CD93: variants seen among roughly 807,000 people sequenced by gnomAD.
CD93 encodes the protein complement component C1q receptor.
CD93 carries 44 observed loss-of-function variants against 45.5 expected under a neutral mutation model. That is an observed-to-expected ratio of 0.97 (90% CI 0.76 to 1.24). The LOEUF (loss-of-function observed/expected upper bound fraction) is 1.24, where lower values mean the gene tolerates loss of function less well. CD93 is among the 50% of genes most tolerant of loss of function. The pLI is 0.00. For missense variants in CD93, 918 were observed against 844.5 expected, an observed-to-expected ratio of 1.09 and a Z score of -1.08; for synonymous variants, 431 against 370.8, an observed-to-expected ratio of 1.16 and a Z score of -1.87.
Position 23,082,493 on chromosome 20 carries a change from A to T in CD93, c.*1457T>A, listed in dbSNP as rs1278495350. On this transcript the variant is annotated 3_prime_UTR_variant, in exon 2 of 2. Transcript: ENST00000246006. ...GTGACTCTGACCATCGGTGACCCCC[A>T]GGAATGTGTTCCAGTGCCCCAGGCA... 6.6e-6 allele frequency: 1 copy of T among 151,840 alleles called. No individual in the cohort carries two copies. Among genetic ancestry groups the T allele is most frequent in the Non-Finnish European group, 1.5e-5 (1 of 68,172 alleles). The allele number at this position is 151,840 out of a possible 1,614,324, so 9.4% of individuals were successfully genotyped here.
rs1381174281 is a variant in CD93, at chr20:23,084,851, C to T, written c.1342G>A (p.Gly448Arg). The T allele has an allele frequency of 1.2e-6, 2 of 1,613,212 alleles. No homozygotes were observed. The highest frequency in any genetic ancestry group is 2.2e-5 in the East Asian group (1 of 44,888). ...LCDSLCFNTQ[G>R]SFHCGCLPGW... Reference sequence around the variant, plus strand: ...GGCAGGCAGCCACAGTGGAAGGACCCTTGTGTGTTGAAGCACAAGCTGTCG... The same window carrying T: ...GGCAGGCAGCCACAGTGGAAGGACCTTTGTGTGTTGAAGCACAAGCTGTCG... Residue 448 changes from glycine (G) to arginine (R), a missense_variant, in exon 1 of 2, where the codon GGG becomes AGG. Transcript: ENST00000246006.
Position 23,083,792 on chromosome 20 carries a change from T to C in CD93, c.*158A>G, listed in dbSNP as rs1184544638. Reference sequence around the variant, plus strand: ...ACATCAAACACCCGTAGAAAATACCTGCATGTTCCAAGGGGCCTTTAAGGA... The same window carrying C: ...ACATCAAACACCCGTAGAAAATACCCGCATGTTCCAAGGGGCCTTTAAGGA... On this transcript the variant is annotated 3_prime_UTR_variant, in exon 2 of 2. Transcript: ENST00000246006. The C allele has an allele frequency of 2.8e-6, 2 of 710,342 alleles. No individual in the cohort carries two copies. The highest frequency in any genetic ancestry group is 2.6e-5 in the East Asian group (1 of 38,070). 44.0% of individuals were successfully genotyped at this position (710,342 alleles called of 1,614,324 possible).
At chr20:23,084,169 G>T in intron 1 of CD93, 90 bp downstream of exon 1, 1 of 1,514,338 alleles carries the variant, frequency 6.6e-7, no homozygotes, top group Non-Finnish European at 9.1e-7. Context: ...CAGGAAACCT[G>T]GGCCTGCTCT....
rs1219954657 is a variant in CD93 at position 23,081,478 on chromosome 20, G to A, written c.*2472C>T. On this transcript the variant is annotated 3_prime_UTR_variant, in exon 2 of 2. Transcript: ENST00000246006. ...AAAAATAAACAGGAGAATAAAGCAC[G>A]TGTTTGAGCCCAGTGGTTTCCATCA... The A allele has an allele frequency of 1.3e-5, 2 of 152,296 alleles. No individual in the cohort carries two copies. The highest frequency in any genetic ancestry group is 2.9e-5 in the Non-Finnish European group (2 of 68,094). 9.4% of individuals were successfully genotyped at this position (152,296 alleles called of 1,614,324 possible). A position where few individuals can be genotyped will look rare whatever the true frequency, so the allele number is the denominator to read the frequency against.
chr20:23,085,699 C>G lies in CD93; in HGVS notation c.494G>C (p.Cys165Ser). ...ACTTCCGGGGGAGCCTGGGCTCCCA[C>G]AGGGGCCCTCAGACCACTTGGGGAG... The part of the protein sequence containing the change: ...SRLPKWSEGP[C>S]GSPGSPGSNI... Residue 165 changes from cysteine to serine, a missense_variant, in exon 1 of 2, where the codon TGT becomes TCT. Cys to Ser is a moderately radical substitution (Grantham distance 112). Transcript: ENST00000246006. 6.2e-7 allele frequency: 1 copy of G among 1,611,080 alleles called. No homozygotes were observed. The highest frequency in any genetic ancestry group is 8.5e-7 in the Non-Finnish European group (1 of 1,179,584).
rs1211388908 is a variant in CD93 at position 23,083,508 on chromosome 20, T to A, written c.*442A>T. On this transcript the variant is annotated 3_prime_UTR_variant, in exon 2 of 2. Coordinates refer to ENST00000246006, the MANE Select transcript of CD93 (RefSeq NM_012072.4). ...AACCAGATCTTCTTACCTAATTGAA[T>A]AATTAATTGATTTAGTTTTCATCCT... The A allele has an allele frequency of 1.2e-5, 2 of 167,476 alleles. No individual in the cohort carries two copies. The highest frequency in any genetic ancestry group is 1.3e-5 in the Non-Finnish European group (1 of 77,502). The allele number at this position is 167,476 out of a possible 1,614,324, so 10.4% of individuals were successfully genotyped here.
chr20:23,086,164 A>C lies in CD93; in HGVS notation c.29T>G (p.Leu10Arg). MATSMGLLL[L>R]LLLLLTQPGA... ...GGGCTGGGTCAGGAGCAGCAGCAGC[A>C]GCAGCAGCAGGCCCATGGAGGTGGC... The change falls in exon 1 of 2, where the codon CTG (leucine) becomes CGG (arginine). Residue 10 changes from leucine (L) to arginine (R), a missense_variant. Coordinates refer to ENST00000246006, the MANE Select transcript of CD93 (RefSeq NM_012072.4). The C allele has an allele frequency of 6.4e-7, 1 of 1,555,974 alleles. No homozygotes were observed. Among genetic ancestry groups the C allele is most frequent in the Non-Finnish European group, 8.6e-7 (1 of 1,157,624 alleles).
rs139614059 is a variant in CD93, at chr20:23,086,091, G to T, written c.102C>A (p.Thr34=). The change falls in exon 1 of 2, where the codon ACC becomes ACA. Residue 34 remains threonine (T), a synonymous_variant. Transcript: ENST00000246006. ...TGCCCGAGTGGGCCGTGTAGCAGGC[G>T]GTCCCCACGCAGACCACCGCCTCCG... ...ADTEAVVCVG[T]ACYTAHSGKL... 562 of 1,597,926 alleles carry T rather than the reference G, an allele frequency of 3.5e-4. 2 individuals are homozygous for T. Among genetic ancestry groups the T allele is most frequent in the South Asian group, 3.5e-3 (313 of 90,240 alleles).
rs748038221 is a variant in CD93, at chr20:23,085,102, C to T, written c.1091G>A (p.Gly364Asp). Residue 364 changes from glycine to aspartate, a missense_variant, in exon 1 of 2, where the codon GGC becomes GAC. Coordinates refer to ENST00000246006, the MANE Select transcript of CD93 (RefSeq NM_012072.4). Reference protein sequence around the residue: ...CAQECVNTPGGFRCECWVGYE... With the variant: ...CAQECVNTPGDFRCECWVGYE... ...GCCAACCCAGCATTCGCAGCGGAAG[C>T]CCCCAGGGGTGTTGACACACTCCTG... is the stretch of plus-strand genomic sequence containing the variant. 2 of 1,602,326 alleles carry T rather than the reference C, an allele frequency of 1.2e-6. No individual in the cohort carries two copies. Among genetic ancestry groups the T allele is most frequent in the Non-Finnish European group, 8.5e-7 (1 of 1,173,376 alleles).
rs1985336711 is a variant in CD93, at chr20:23,082,094, G to A, written c.*1856C>T. The A allele has an allele frequency of 6.6e-6, 1 of 152,102 alleles. No homozygotes were observed. The highest frequency in any genetic ancestry group is 1.5e-5 in the Non-Finnish European group (1 of 68,026). The allele number at this position is 152,102 out of a possible 1,614,324, so 9.4% of individuals were successfully genotyped here. On this transcript the variant is annotated 3_prime_UTR_variant, in exon 2 of 2. Coordinates refer to ENST00000246006, the MANE Select transcript of CD93 (RefSeq NM_012072.4). The stretch of plus-strand genomic sequence containing the variant: ...TCTCCCTTAAGTGTTAAACACCAGA[G>A]TTCCAACTGAAAACTGGAGACCATG...
chr20:23,085,831 T>TGGGGC lies in CD93; in HGVS notation c.361_362insGCCCC (p.Glu121GlyfsTer81). On this transcript the variant is annotated frameshift_variant, in exon 1 of 2. Coordinates refer to ENST00000246006, the MANE Select transcript of CD93 (RefSeq NM_012072.4). LOFTEE classifies it high-confidence loss of function. Reference sequence around the variant, plus strand: ...GTGCCAGTTAGAGTAAGGCGTGTCCTCCCCCCCGCCCACCCAGCTGAAGCC... The same window carrying TGGGGC: ...GTGCCAGTTAGAGTAAGGCGTGTCCTGGGGCCCCCCCCGCCCACCCAGCTGAAGCC... The TGGGGC allele has an allele frequency of 3.6e-5, 53 of 1,490,530 alleles. No homozygotes were observed. Among genetic ancestry groups the TGGGGC allele is most frequent in the Non-Finnish European group, 4.4e-5 (48 of 1,097,196 alleles). 92.3% of individuals were successfully genotyped at this position (1,490,530 alleles called of 1,614,324 possible).
Position 23,086,038 on chromosome 20 carries a change from T to C in CD93, c.155A>G (p.His52Arg), listed in dbSNP as rs1985490351. ...CAGGTTGCCCCCGTTCTGGTTGCAGTGGTTCTGGGCCTCGGCAGCGCTCAG... is the reference window on the plus strand; with the variant it reads ...CAGGTTGCCCCCGTTCTGGTTGCAGCGGTTCTGGGCCTCGGCAGCGCTCAG... ...GKLSAAEAQN[H>R]CNQNGGNLAT... The change falls in exon 1 of 2, where the codon CAC (histidine) becomes CGC (arginine). Residue 52 changes from histidine to arginine, a missense_variant. By Grantham distance (29) the His-to-Arg change is conservative. Coordinates refer to ENST00000246006, the MANE Select transcript of CD93 (RefSeq NM_012072.4). 3 of 1,609,160 alleles carry C rather than the reference T, an allele frequency of 1.9e-6. No individual in the cohort carries two copies. The highest frequency in any genetic ancestry group is 2.5e-6 in the Non-Finnish European group (3 of 1,179,548).
Position 23,084,703 on chromosome 20 carries a change from G to A in CD93, c.1490C>T (p.Ala497Val). The change falls in exon 1 of 2, where the codon GCT (alanine) becomes GTT (valine). Residue 497 changes from alanine to valine, a missense_variant. Coordinates refer to ENST00000246006, the MANE Select transcript of CD93 (RefSeq NM_012072.4). ...GCCCCTTGTGGGACTGGCTGTTGCA[G>A]CACGGGGCACGGTGCTCCCTTCTTT... ...GEKEGSTVPR[A>V]ATASPTRGPE... 1.3e-6 allele frequency: 2 copies of A among 1,587,804 alleles called. No homozygotes were observed. Among genetic ancestry groups the A allele is most frequent in the Non-Finnish European group, 1.7e-6 (2 of 1,168,004 alleles).
chr20:23,084,159 C>T (rs1226247455), intron 1 of CD93, 100 bp downstream of exon 1: 66 of 1,492,378 alleles, frequency 4.4e-5, no homozygotes, highest in Non-Finnish European at 5.7e-5. Context: ...TGTCTGCCCA[C>T]AGGAAACCTG....
Position 23,084,584 on chromosome 20 carries a change from G to A in CD93, c.1609C>T (p.Pro537Ser), listed in dbSNP as rs767867854. The change falls in exon 1 of 2, where the codon CCC becomes TCC. Residue 537 changes from proline (P) to serine (S), a missense_variant. Coordinates refer to ENST00000246006, the MANE Select transcript of CD93 (RefSeq NM_012072.4). Reference sequence around the variant, plus strand: ...CTCCAGACGCCTGGGGACCCACTGGGGGCCAGCATCTTGAGTGGGGCAGAT... The same window carrying A: ...CTCCAGACGCCTGGGGACCCACTGGAGGCCAGCATCTTGAGTGGGGCAGAT... ...ITSAPLKMLA[P>S]SGSPGVWREP... 1.2e-4 allele frequency: 193 copies of A among 1,613,140 alleles called. No homozygotes were observed. Among genetic ancestry groups the A allele is most frequent in the Non-Finnish European group, 1.5e-4 (174 of 1,179,662 alleles).
chr20:23,083,641 C>G lies in CD93; in HGVS notation c.*309G>C. ...GATATTCAGGGGAGCCCCTTAGCCC[C>G]GGCCTCCTCACACCCTGATCCGGAA... On this transcript the variant is annotated 3_prime_UTR_variant, in exon 2 of 2. Coordinates refer to ENST00000246006, the MANE Select transcript of CD93 (RefSeq NM_012072.4). The G allele has an allele frequency of 2.1e-6, 1 of 473,550 alleles. No individual in the cohort carries two copies. Among genetic ancestry groups the G allele is most frequent in the Non-Finnish European group, 3.8e-6 (1 of 261,794 alleles). The allele number at this position is 473,550 out of a possible 1,614,324, so 29.3% of individuals were successfully genotyped here. A position where few individuals can be genotyped will look rare whatever the true frequency, so the allele number is the denominator to read the frequency against.
Position 23,079,478 on chromosome 20 carries a change from C to T in CD93, c.*4472G>A, listed in dbSNP as rs1181652022. The T allele has an allele frequency of 3.3e-5, 5 of 152,226 alleles. No homozygotes were observed. The highest frequency in any genetic ancestry group is 4.8e-5 in the African/African-American group (2 of 41,458). The allele number at this position is 152,226 out of a possible 1,614,324, so 9.4% of individuals were successfully genotyped here. On this transcript the variant is annotated 3_prime_UTR_variant, in exon 2 of 2. Transcript: ENST00000246006. ...TTTGTTAGAACTCAGAGGAGAAGCTCGATCTCTGAGCCTTCCCTCCTCACA... is the reference window on the plus strand; with the variant it reads ...TTTGTTAGAACTCAGAGGAGAAGCTTGATCTCTGAGCCTTCCCTCCTCACA...
In CD93 at chr20:23,083,965, A is replaced by G. The variant is rs369692894; in HGVS notation, c.1944T>C (p.Pro648=). ...RAMENQYSPT[P]GTDC Reference sequence around the variant, plus strand: ...CACCTCACTTTCAGCAGTCTGTCCCAGGTGTCGGACTATGGGAAACAAAAC... The same window carrying G: ...CACCTCACTTTCAGCAGTCTGTCCCGGGTGTCGGACTATGGGAAACAAAAC... Residue 648 remains proline, a synonymous_variant, in exon 2 of 2, where the codon CCT becomes CCC. Transcript: ENST00000246006. 46 of 1,614,112 alleles carry G rather than the reference A, an allele frequency of 2.8e-5. No individual in the cohort carries two copies. Among genetic ancestry groups the G allele is most frequent in the Middle Eastern group, 1.7e-4 (1 of 6,042 alleles).
Position 23,083,512 on chromosome 20 carries a change from T to C in CD93, c.*438A>G, listed in dbSNP as rs1484922096. ...AGATCTTCTTACCTAATTGAATAAT[T>C]AATTGATTTAGTTTTCATCCTAGGA... On this transcript the variant is annotated 3_prime_UTR_variant, in exon 2 of 2. Transcript: ENST00000246006. 1.8e-5 allele frequency: 3 copies of C among 168,442 alleles called. No homozygotes were observed. The highest frequency in any genetic ancestry group is 3.8e-5 in the Non-Finnish European group (3 of 78,154). 10.4% of individuals were successfully genotyped at this position (168,442 alleles called of 1,614,324 possible).
Sources: allele counts gnomAD v4.1 joint callset, GRCh38; gene constraint gnomAD v4.1.1; transcripts MANE v1.5; gene names NCBI Gene and HGNC (gene_info 2026-07-23, HGNC 2026-07-21).